NRXN1: variants seen among roughly 807,000 people sequenced by gnomAD.
NRXN1 encodes the protein neurexin 1.
A neutral mutation model predicts 150.9 loss-of-function variants in NRXN1; 39 were observed. That is an observed-to-expected ratio of 0.26 (90% confidence interval 0.20 to 0.34). The LOEUF (loss-of-function observed/expected upper bound fraction) is 0.34. NRXN1 is among the 10% of genes least tolerant of loss of function. The pLI, the probability that NRXN1 is intolerant of heterozygous loss-of-function variation, is 1.00. For synonymous variants in NRXN1, 924 were observed against 757.0 expected (o/e 1.22, Z -3.62); for missense variants, 1,815 against 1,949.9 (o/e 0.93, Z 1.30).
At chr2:50,499,722 C>G (rs2091844928) in intron 13 of NRXN1, among the ~76,000 whole-genome samples, 1 of 151,940 alleles carries the variant, frequency 6.6e-6, no homozygotes, top group Non-Finnish European at 1.5e-5. Context: ...CCTAGGGGGG[C>G]AGATCACCTG....
chr2:50,644,190 T>C (rs1459623651), intron 5 of NRXN1, among the ~76,000 whole-genome samples: 1 of 151,786 alleles, frequency 6.6e-6, no homozygotes, highest in Non-Finnish European at 1.5e-5. Context: ...ACAGCTATAT[T>C]AACTTGATAT....
intron 17 of NRXN1, among the ~76,000 whole-genome samples, chr2:50,373,431 G>A (rs1007818893): frequency 3.3e-5 from 5 of 149,524 alleles, no homozygotes; most frequent in African/African-American, 1.2e-4. Flanking sequence ...ATCTCTAATT[G>A]AACTCTTCTG....
intron 17 of NRXN1, among the ~76,000 whole-genome samples, chr2:50,299,410 A>ATTT (rs34923830): frequency 7.4e-6 from 1 of 134,634 alleles, no homozygotes. Context: ...TCATTGTCCA[A>ATTT]TTTTTTTTTT....
intron 5 of NRXN1, among the ~76,000 whole-genome samples, chr2:50,720,005 C>A (rs1490955783): frequency 1.3e-5 from 2 of 152,130 alleles, no homozygotes; most frequent in Non-Finnish European, 2.9e-5. Flanking sequence ...CACACAGATA[C>A]ATGTTTAAAG....
intron 18 of NRXN1, among the ~76,000 whole-genome samples, chr2:50,159,881 G>A (rs2059256570): frequency 6.6e-6 from 1 of 152,034 alleles, no homozygotes; most frequent in African/African-American, 2.4e-5. Flanking sequence ...TAATTATGCT[G>A]TGGAAGAAAA....
chr2:50,800,533 T>C (rs1480463754), intron 5 of NRXN1, among the ~76,000 whole-genome samples: 2 of 152,150 alleles, frequency 1.3e-5, no homozygotes, highest in African/African-American at 2.4e-5. Flanking sequence ...GGAATAGCTA[T>C]AAAATGAATA....
chr2:50,424,265 G>C (rs1358539520), intron 17 of NRXN1, among the ~76,000 whole-genome samples: 2 of 105,306 alleles, frequency 1.9e-5, no homozygotes, highest in Non-Finnish European at 3.7e-5. Context: ...AGGAAGAGGA[G>C]GACAGGGGAA....
At chr2:50,617,459 T>C (rs1278017296) in intron 8 of NRXN1, among the ~76,000 whole-genome samples, 1 of 148,038 alleles carries the variant, frequency 6.8e-6, no homozygotes, top group Non-Finnish European at 1.5e-5. Context: ...GCCCTCCAAG[T>C]GAGGTATGTT....
intron 5 of NRXN1, among the ~76,000 whole-genome samples, chr2:50,849,167 G>A (rs1324429291): frequency 2.6e-5 from 4 of 152,052 alleles, no homozygotes; most frequent in African/African-American, 4.8e-5. Flanking sequence ...TACGTAACTC[G>A]GAATTTAATT....
At chr2:50,435,255 C>T (rs769338257) in intron 17 of NRXN1, among the ~76,000 whole-genome samples, 2 of 152,102 alleles carry the variant, frequency 1.3e-5, no homozygotes. Flanking sequence ...TTTAAGTAGT[C>T]ACCTGCAAAT....
At chr2:50,555,027 T>C (rs1279082596) in intron 8 of NRXN1, among the ~76,000 whole-genome samples, 2 of 152,210 alleles carry the variant, frequency 1.3e-5, no homozygotes, top group Admixed American at 6.5e-5. Context: ...TCTTTGGAGA[T>C]CTTTAGAGGC....
At chr2:50,033,601 T>G (rs1255724792) in intron 21 of NRXN1, among the ~76,000 whole-genome samples, 1 of 151,838 alleles carries the variant, frequency 6.6e-6, no homozygotes, top group African/African-American at 2.4e-5. Flanking sequence ...CAAAAGCAAT[T>G]GCAACAAATG....
At chr2:51,025,160 C>A (rs1454677564) in intron 2 of NRXN1, among the ~76,000 whole-genome samples, 3 of 152,290 alleles carry the variant, frequency 2.0e-5, no homozygotes, top group Admixed American at 2.0e-4. Context: ...TGTTTTCCTT[C>A]TACGTTTCGT....
chr2:50,760,448 A>G (rs1234808023), intron 5 of NRXN1, among the ~76,000 whole-genome samples: 2 of 151,912 alleles, frequency 1.3e-5, no homozygotes, highest in Admixed American at 6.6e-5. Flanking sequence ...TCAGACCCAG[A>G]CAGAGCCTCA....
At chr2:50,764,813 A>G (rs530514108) in intron 5 of NRXN1, among the ~76,000 whole-genome samples, 2 of 152,164 alleles carry the variant, frequency 1.3e-5, no homozygotes, top group African/African-American at 4.8e-5. Flanking sequence ...CTAAATTGCC[A>G]AAATGCTCAA....
chr2:51,000,106 C>T (rs1699844182), intron 2 of NRXN1, among the ~76,000 whole-genome samples: 1 of 151,994 alleles, frequency 6.6e-6, no homozygotes, highest in Admixed American at 6.6e-5. Flanking sequence ...CTACTCCAGG[C>T]TCCCACTGGG....
At chr2:50,377,647 C>T (rs1054274733) in intron 17 of NRXN1, among the ~76,000 whole-genome samples, 2 of 152,108 alleles carry the variant, frequency 1.3e-5, no homozygotes, top group Admixed American at 1.3e-4. Context: ...CAGACAATAA[C>T]CTCAGATCTC....
chr2:50,411,712 C>A (rs1187380607), intron 17 of NRXN1, among the ~76,000 whole-genome samples: 2 of 151,788 alleles, frequency 1.3e-5, no homozygotes, highest in African/African-American at 4.8e-5. Context: ...CAGCCCCCGC[C>A]CAGCCGCCAC....
At chr2:50,724,586 G>T (rs1000484429) in intron 5 of NRXN1, among the ~76,000 whole-genome samples, 1 of 152,004 alleles carries the variant, frequency 6.6e-6, no homozygotes, top group African/African-American at 2.4e-5. Flanking sequence ...CACGTTGTAT[G>T]GCTTTATATG....
Sources: gnomAD v4.1 joint callset for allele counts (sites outside exome capture counted in the v4.1 genomes callset) on GRCh38, gnomAD v4.1.1 for gene constraint, MANE v1.5 for transcripts, NCBI Gene and HGNC (gene_info 2026-07-23, HGNC 2026-07-21) for gene names.